Variants in ZBTB34 observed in about 807,000 individuals in gnomAD.
ZBTB34 encodes the protein zinc finger and BTB domain containing 34.
Under a neutral mutation model 33.4 loss-of-function variants are expected in ZBTB34, and 1 was observed. That is an observed-to-expected ratio of 0.03 (90% confidence interval 0.01 to 0.14). The LOEUF (loss-of-function observed/expected upper bound fraction) is 0.14. Among genes scored for constraint, ZBTB34 ranks in the 10% least tolerant of loss-of-function variants. The pLI, the probability that ZBTB34 is intolerant of heterozygous loss-of-function variation, is 1.00. For missense variants in ZBTB34, 406 were observed against 657.2 expected (o/e 0.62, Z 4.18); for synonymous variants, 283 against 253.5 (o/e 1.12, Z -1.11).
At chr9:126,863,538 A>G (rs2033166700) in intron 1 of ZBTB34, among the ~76,000 whole-genome samples, 1 of 152,160 alleles carries the variant, frequency 6.6e-6, no homozygotes, top group South Asian at 2.1e-4. Flanking sequence ...TTTAGTTTAA[A>G]TTCTGCTTAA....
chr9:126,878,905 G>T (rs142804757), intron 1 of ZBTB34, among the ~76,000 whole-genome samples: 1 of 151,890 alleles, frequency 6.6e-6, no homozygotes, highest in Admixed American at 6.6e-5. Context: ...TGTATTTTTA[G>T]TACAGATGGG....
intron 1 of ZBTB34, among the ~76,000 whole-genome samples, chr9:126,878,012 AAAAT>A: frequency 6.6e-6 from 1 of 152,140 alleles, no homozygotes; most frequent in South Asian, 2.1e-4. Context: ...AAATAAAATA[AAAAT>A]AAATAAAATA....
At chr9:126,864,337 A>G (rs1349393057) in intron 1 of ZBTB34, among the ~76,000 whole-genome samples, 1 of 152,162 alleles carries the variant, frequency 6.6e-6, no homozygotes, top group Non-Finnish European at 1.5e-5. Flanking sequence ...TACTGTACAC[A>G]GTAGGAGCCT....
chr9:126,871,928 C>CT (rs371096405), intron 1 of ZBTB34, among the ~76,000 whole-genome samples: 33 of 151,702 alleles, frequency 2.2e-4, no homozygotes, highest in Non-Finnish European at 4.7e-4. Context: ...CCAGCCTGGG[C>CT]AACATAGTGA....
rs753399651 is a variant in ZBTB34 at position 126,879,602 on chromosome 9, G to A, written c.203G>A (p.Ser68Asn). 4 of 1,613,800 alleles carry A rather than the reference G, an allele frequency of 2.5e-6. No homozygotes were observed. The highest frequency in any genetic ancestry group is 3.4e-6 in the Non-Finnish European group (4 of 1,179,900). The stretch of plus-strand genomic sequence containing the variant: ...TATTTCCGGGACCATTCAGCGTTAA[G>A]TACCATGAGTGGCTTGTCAATATCA... The change falls in exon 2 of 2, where the codon AGT becomes AAT. Residue 68 changes from serine (S) to asparagine (N), a missense_variant. By Grantham distance (46) the Ser-to-Asn change is conservative (BLOSUM62 1). This residue lies in a region of ZBTB34 where 50 missense variants were observed against 157.9 expected (regional missense o/e 0.32). Coordinates refer to ENST00000319119, the Ensembl canonical transcript of ZBTB34. This position sits in a 1 kb window ranked among gnomAD's most constrained non-coding sequence, Gnocchi z 6.4.
chr9:126,871,887 G>A (rs1278131179), intron 1 of ZBTB34, among the ~76,000 whole-genome samples: 1 of 152,072 alleles, frequency 6.6e-6, no homozygotes, highest in Non-Finnish European at 1.5e-5. Context: ...ATGCTGAGGT[G>A]GGAGGATCCC....
At chr9:126,883,594 AATTG>A (rs1042455974) in exon 2 of ZBTB34, 8 of 167,078 alleles carry the variant, frequency 4.8e-5, no homozygotes, top group African/African-American at 1.4e-4. Context: ...AGGGGCAGAA[AATTG>A]ATTGAGTTTC....
At chr9:126,874,234 T>G (rs1026819028) in intron 1 of ZBTB34, among the ~76,000 whole-genome samples, 6 of 149,228 alleles carry the variant, frequency 4.0e-5, no homozygotes, top group African/African-American at 1.5e-4. Context: ...GTATTTTTAG[T>G]AGAGATGGGG....
intron 1 of ZBTB34, chr9:126,863,749 A>C: frequency 1.0e-6 from 1 of 984,182 alleles, no homozygotes; most frequent in Non-Finnish European, 1.2e-6. Context: ...AAGAGGCAGG[A>C]CTTAATGTAT....
At chr9:126,861,521 A>G (rs990258210) in intron 1 of ZBTB34, among the ~76,000 whole-genome samples, 7 of 152,130 alleles carry the variant, frequency 4.6e-5, no homozygotes, top group Admixed American at 1.3e-4. Flanking sequence ...CATTCCGTGT[A>G]TGTCTCAAAT....
chr9:126,879,864 G>A lies in ZBTB34; in HGVS notation c.465G>A (p.Val155=). 6.2e-7 allele frequency: 1 copy of A among 1,613,072 alleles called. No individual in the cohort carries two copies. Residue 155 remains valine (V), a synonymous_variant, in exon 2 of 2, where the codon GTG becomes GTA. Coordinates refer to ENST00000319119, the Ensembl canonical transcript of ZBTB34. This position sits in a 1 kb window ranked among gnomAD's most constrained non-coding sequence, Gnocchi z 6.4. ...AGAATCCCGAGAGTCGAAACGGAGT[G>A]AAAGACAGCAGCTTCTTTGCCAACC...
At chr9:126,863,041 G>C (rs547069148) in intron 1 of ZBTB34, among the ~76,000 whole-genome samples, 1 of 152,054 alleles carries the variant, frequency 6.6e-6, no homozygotes, top group East Asian at 1.9e-4. Flanking sequence ...AGCACAAAAC[G>C]AATCTTTGAA....
intron 1 of ZBTB34, among the ~76,000 whole-genome samples, chr9:126,870,678 G>A (rs1472954532): frequency 6.6e-6 from 1 of 152,184 alleles, no homozygotes; most frequent in African/African-American, 2.4e-5. Flanking sequence ...TGTAATCCCA[G>A]CACTTTGGGA....
chr9:126,860,809 C>CA (rs2033132369), intron 1 of ZBTB34, 70 bp downstream of exon 1: 1 of 73,406 alleles, frequency 1.4e-5, no homozygotes, highest in South Asian at 4.2e-4. Context: ...GCAGGCGGGG[C>CA]GGGGGGCAGT....
At chr9:126,868,698 C>T (rs754598788) in intron 1 of ZBTB34, among the ~76,000 whole-genome samples, 5 of 152,172 alleles carry the variant, frequency 3.3e-5, no homozygotes, top group Non-Finnish European at 5.9e-5. Flanking sequence ...GCTTTCAGGG[C>T]GCCGGTCTCA....
At chr9:126,863,770 C>T (rs2033168999) in intron 1 of ZBTB34, 1 of 950,632 alleles carries the variant, frequency 1.1e-6, no homozygotes, top group Admixed American at 6.2e-5. Context: ...TTTCCAGGGC[C>T]AGTGCCCCTG....
At chr9:126,882,280 G>A (rs900631659) in exon 2 of ZBTB34, 3 of 166,982 alleles carry the variant, frequency 1.8e-5, no homozygotes, top group Non-Finnish European at 2.9e-5. Context: ...GTCTTTTTAG[G>A]TCAGTATAGT....
Position 126,879,210 on chromosome 9 carries a change from T to A in ZBTB34, c.-10-180T>A. 1.9e-6 allele frequency: 1 copy of A among 535,992 alleles called. No individual in the cohort carries two copies. Among genetic ancestry groups the A allele is most frequent in the Non-Finnish European group, 3.3e-6 (1 of 305,290 alleles). 33.2% of individuals were successfully genotyped at this position (535,992 alleles called of 1,614,324 possible). On this transcript the variant is annotated intron_variant, in intron 1 of 1. Transcript: ENST00000319119. This position sits in a 1 kb window ranked among gnomAD's most constrained non-coding sequence, Gnocchi z 6.4. The stretch of plus-strand genomic sequence containing the variant: ...GACATTAGGCTAATTGATCATTAGT[T>A]TATTTGGCTTTAGGTGAATTAACCA...
At chr9:126,877,914 G>GGATC (rs2033383339) in intron 1 of ZBTB34, among the ~76,000 whole-genome samples, 1 of 152,066 alleles carries the variant, frequency 6.6e-6, no homozygotes, top group South Asian at 2.1e-4. Context: ...TGAGGCAGGA[G>GGATC]GATCACTTGA....
Sources: gnomAD v4.1 joint callset for allele counts (sites outside exome capture counted in the v4.1 genomes callset) on GRCh38, gnomAD v4.1.1 for gene constraint, gnomAD v4.1.1 regional missense constraint, Gnocchi (gnomAD v3.1) non-coding constraint, MANE v1.5 for transcripts, NCBI Gene and HGNC (gene_info 2026-07-23, HGNC 2026-07-21) for gene names.